The following PTPRD variants were observed in gnomAD, a reference collection of about 807,000 sequenced individuals.
PTPRD encodes receptor-type tyrosine-protein phosphatase delta.
A neutral mutation model predicts 214.5 loss-of-function variants in PTPRD; 34 were observed. The ratio of observed to expected loss-of-function variants is 0.16; its 90% CI spans 0.12 to 0.21. The LOEUF is 0.21. Among genes scored for constraint, PTPRD ranks in the 10% least tolerant of loss-of-function variants. The pLI is 1.00. For synonymous variants in PTPRD, 1,128 were observed against 845.7 expected, an observed-to-expected ratio of 1.33 and a Z score of -5.79; for missense variants, 2,545 against 2,398.7, an observed-to-expected ratio of 1.06 and a Z score of -1.27.
intron 5 of PTPRD, among the ~76,000 whole-genome samples, chr9:9,786,185 A>G (rs565747055): frequency 6.6e-6 from 1 of 152,302 alleles, no homozygotes; most frequent in Non-Finnish European, 1.5e-5. Context: ...ATTGATTGCC[A>G]TTATTTGCCA....
chr9:9,911,343 A>T (rs2079126396), intron 5 of PTPRD, among the ~76,000 whole-genome samples: 3 of 152,090 alleles, frequency 2.0e-5, no homozygotes, highest in Non-Finnish European at 4.4e-5. Context: ...CTATCTAATT[A>T]AAAAGAACAC....
chr9:10,583,342 C>CT (rs35507449), intron 2 of PTPRD, among the ~76,000 whole-genome samples: 28,183 of 148,882 alleles, frequency 0.19, 2,904 homozygotes, highest in South Asian at 0.26. Context: ...AGGTAAGAGT[C>CT]TTTTTTTTTT....
At chr9:10,395,838 A>C (rs1026008553) in intron 2 of PTPRD, among the ~76,000 whole-genome samples, 2 of 151,894 alleles carry the variant, frequency 1.3e-5, no homozygotes, top group Non-Finnish European at 2.9e-5. Context: ...AAAACGTGCA[A>C]TTTCCAGGAG....
chr9:9,134,415 C>T (rs1018197689), intron 10 of PTPRD, among the ~76,000 whole-genome samples: 1 of 152,126 alleles, frequency 6.6e-6, no homozygotes, highest in African/African-American at 2.4e-5. Flanking sequence ...ATCTGTTAAT[C>T]TATCAGCAAT....
chr9:8,902,067 A>G (rs887987068), intron 11 of PTPRD, among the ~76,000 whole-genome samples: 3 of 152,202 alleles, frequency 2.0e-5, no homozygotes, highest in African/African-American at 7.2e-5. Context: ...TCCCATATGC[A>G]TAATCTCTAT....
chr9:9,283,794 T>C (rs1226950541), intron 9 of PTPRD, among the ~76,000 whole-genome samples: 3 of 151,706 alleles, frequency 2.0e-5, no homozygotes. Context: ...GTGAATGTGC[T>C]AGATGTATAT....
At chr9:8,387,541 C>A (rs1244733173) in intron 37 of PTPRD, among the ~76,000 whole-genome samples, 2 of 152,198 alleles carry the variant, frequency 1.3e-5, no homozygotes, top group African/African-American at 4.8e-5. Context: ...CCAGGCAGAA[C>A]AGACTGGGTA....
chr9:8,768,363 C>G (rs1447245989), intron 11 of PTPRD, among the ~76,000 whole-genome samples: 2 of 152,172 alleles, frequency 1.3e-5, no homozygotes, highest in African/African-American at 4.8e-5. Flanking sequence ...CCAGTCTGAG[C>G]AACATGGCAA....
At chr9:8,998,212 T>C (rs2099404383) in intron 11 of PTPRD, among the ~76,000 whole-genome samples, 1 of 152,066 alleles carries the variant, frequency 6.6e-6, no homozygotes, top group Non-Finnish European at 1.5e-5. Context: ...TGGAAGAAGA[T>C]ACATCTAGGG....
At position 9,940,297 on chromosome 9, in the gene PTPRD, C is replaced by T. The variant is rs535741710; in HGVS notation, c.-471-1687G>A. On this transcript the variant is annotated intron_variant, in intron 4 of 45. Transcript: ENST00000381196. ...AAAGGATAAACCCCGCTCATCTTCTCCCTTACCTCTGGTTTCTTGACTAGA... is the reference window on the plus strand; with the variant it reads ...AAAGGATAAACCCCGCTCATCTTCTTCCTTACCTCTGGTTTCTTGACTAGA... 1.8e-4 allele frequency among the ~76,000 whole-genome samples: 27 copies of T among 152,244 alleles called. No homozygotes were observed. The East Asian group carries it at 5.2e-3, about 29-fold the overall frequency.
At chr9:9,216,602 C>T (rs1593781447) in intron 9 of PTPRD, among the ~76,000 whole-genome samples, 1 of 152,128 alleles carries the variant, frequency 6.6e-6, no homozygotes, top group Non-Finnish European at 1.5e-5. Context: ...ATAATAAAAA[C>T]AGGACTGGGA....
At chr9:8,532,267 T>G (rs1216701913) in intron 14 of PTPRD, among the ~76,000 whole-genome samples, 1 of 152,072 alleles carries the variant, frequency 6.6e-6, no homozygotes, top group Non-Finnish European at 1.5e-5. Context: ...GTATTCAACA[T>G]AAAACAAACT....
At chr9:10,156,682 T>C (rs909190649) in intron 3 of PTPRD, among the ~76,000 whole-genome samples, 6 of 152,196 alleles carry the variant, frequency 3.9e-5, no homozygotes, top group African/African-American at 1.4e-4. Context: ...AGGTCCTCAA[T>C]ATCTTTGTTA....
At chr9:9,868,345 CA>C (rs1249188968) in intron 5 of PTPRD, among the ~76,000 whole-genome samples, 2 of 151,778 alleles carry the variant, frequency 1.3e-5, no homozygotes, top group African/African-American at 4.8e-5. Context: ...AAATACAGTC[CA>C]AAATGCTTTT....
intron 9 of PTPRD, among the ~76,000 whole-genome samples, chr9:9,367,058 A>G (rs985611230): frequency 1.3e-5 from 2 of 151,592 alleles, no homozygotes; most frequent in South Asian, 4.1e-4. Flanking sequence ...AAAAGTTTAA[A>G]AAATAAAAAC....
In PTPRD at chr9:9,516,239, T is replaced by TCAATGCATACTCACTAAAG. The variant is rs1404909552; in HGVS notation, c.-237+58492_-237+58493insCTTTAGTGAGTATGCATTG. 1.8e-3 allele frequency among the ~76,000 whole-genome samples: 281 copies of TCAATGCATACTCACTAAAG among 152,148 alleles called. No individual in the cohort carries two copies. In the Middle Eastern group the frequency reaches 0.024, roughly 13 times the overall value. ...AAGTTAATTCTACAGTCCATCTAAA[T>TCAATGCATACTCACTAAAG]CTATTTTAACTCCCATCCATATTTA... On this transcript the variant is annotated intron_variant, in intron 8 of 45. Transcript: ENST00000381196.
chr9:10,352,577 G>A (rs563471986), intron 2 of PTPRD, among the ~76,000 whole-genome samples: 1 of 152,130 alleles, frequency 6.6e-6, no homozygotes, highest in Non-Finnish European at 1.5e-5. Flanking sequence ...ATCAGAAGGA[G>A]AAATAGCTAT....
In PTPRD at chr9:10,146,204, T is replaced by C. The variant is rs569704346; in HGVS notation, c.-544-112414A>G. On this transcript the variant is annotated intron_variant, in intron 3 of 45. Coordinates refer to ENST00000381196, the MANE Select transcript of PTPRD (RefSeq NM_002839.4). ...ATACAGTGATCTATGCACACATATA[T>C]ACATACATACTATTCTATCCATCCA... Among the ~76,000 whole-genome samples the C allele has an allele frequency of 6.7e-5, 10 of 150,310 alleles. 1 individual carries two copies. In the South Asian group the frequency reaches 2.1e-3, roughly 32 times the overall value.
At chr9:8,442,555 T>C (rs1028656916) in intron 34 of PTPRD, among the ~76,000 whole-genome samples, 3 of 152,198 alleles carry the variant, frequency 2.0e-5, no homozygotes, top group Non-Finnish European at 2.9e-5. Context: ...TTTGTGCTTA[T>C]GGACCAAAGA....
Sources: allele counts gnomAD v4.1 joint callset (sites outside exome capture counted in the v4.1 genomes callset), GRCh38; gene constraint gnomAD v4.1.1; transcripts MANE v1.5; gene names NCBI Gene and HGNC (gene_info 2026-07-23, HGNC 2026-07-21).